Variants in EFNA5 observed in about 807,000 individuals in gnomAD.
The protein encoded by EFNA5 is ephrin A5.
EFNA5 carries 5 observed loss-of-function variants against 22.9 expected under a neutral mutation model. That is an observed-to-expected ratio of 0.22 (90% CI 0.11 to 0.46). The LOEUF (loss-of-function observed/expected upper bound fraction) is 0.46, where lower values mean the gene tolerates loss of function less well. Ranked by LOEUF, EFNA5 falls within the 20% of genes least tolerant of loss-of-function variation. The pLI is 0.99. For synonymous variants in EFNA5, 113 were observed against 112.2 expected, an observed-to-expected ratio of 1.01 and a Z score of -0.04; for missense variants, 237 against 293.3, an observed-to-expected ratio of 0.81 and a Z score of 1.40.
At chr5:107,634,261 A>C (rs1750324404) in intron 1 of EFNA5, among the ~76,000 whole-genome samples, 1 of 152,054 alleles carries the variant, frequency 6.6e-6, no homozygotes, top group South Asian at 2.1e-4. Context: ...CACTCGTGTA[A>C]TCCAAGCACT....
At chr5:107,564,122 G>T (rs1272177002) in intron 1 of EFNA5, among the ~76,000 whole-genome samples, 2 of 152,142 alleles carry the variant, frequency 1.3e-5, no homozygotes, top group Admixed American at 1.3e-4. Flanking sequence ...TAGGGAGGCT[G>T]TGGGGTTGGG....
intron 1 of EFNA5, among the ~76,000 whole-genome samples, chr5:107,552,116 G>A (rs563822730): frequency 6.6e-6 from 1 of 152,014 alleles, no homozygotes; most frequent in East Asian, 1.9e-4. Flanking sequence ...GCAGAGTTAT[G>A]CAAACCTGGC....
At chr5:107,667,149 T>C (rs1376116984) in intron 1 of EFNA5, among the ~76,000 whole-genome samples, 1 of 152,098 alleles carries the variant, frequency 6.6e-6, no homozygotes. Context: ...ATTTTGGAAA[T>C]ATAGAAGATC....
chr5:107,658,881 C>T (rs1008755527), intron 1 of EFNA5, among the ~76,000 whole-genome samples: 2 of 152,164 alleles, frequency 1.3e-5, no homozygotes, highest in Admixed American at 1.3e-4. Flanking sequence ...CCGAATGCTT[C>T]ATGATGACAG....
intron 1 of EFNA5, among the ~76,000 whole-genome samples, chr5:107,541,059 A>T (rs1285844227): frequency 6.6e-6 from 1 of 152,106 alleles, no homozygotes; most frequent in South Asian, 2.1e-4. Context: ...GTGAGCCAAG[A>T]TTGTGCCACT....
intron 1 of EFNA5, among the ~76,000 whole-genome samples, chr5:107,446,015 C>G (rs1416644818): frequency 6.6e-6 from 1 of 152,194 alleles, no homozygotes; most frequent in Non-Finnish European, 1.5e-5. Context: ...AAGGAATACA[C>G]AGTTGTCTGC....
At chr5:107,461,538 G>T (rs75027844) in intron 1 of EFNA5, among the ~76,000 whole-genome samples, 1 of 152,024 alleles carries the variant, frequency 6.6e-6, no homozygotes, top group Admixed American at 6.6e-5. Context: ...AAGAGAGGAC[G>T]GGGGAGAAAG....
At chr5:107,437,943 C>T (rs1327887643) in intron 1 of EFNA5, among the ~76,000 whole-genome samples, 1 of 152,146 alleles carries the variant, frequency 6.6e-6, no homozygotes, top group African/African-American at 2.4e-5. Context: ...AACTTAAGCA[C>T]CTAAGGCAGA....
At chr5:107,551,878 G>A (rs1169548316) in intron 1 of EFNA5, among the ~76,000 whole-genome samples, 1 of 151,638 alleles carries the variant, frequency 6.6e-6, no homozygotes, top group Non-Finnish European at 1.5e-5. Flanking sequence ...AGTCTAAGAA[G>A]GAACTATAAG....
intron 1 of EFNA5, among the ~76,000 whole-genome samples, chr5:107,622,893 C>T (rs1338655142): frequency 2.0e-5 from 3 of 150,988 alleles, no homozygotes; most frequent in African/African-American, 2.4e-5. Flanking sequence ...CGGTGGCGGG[C>T]GCCTGTAGTC....
chr5:107,637,528 G>GTC (rs1469703778), intron 1 of EFNA5, among the ~76,000 whole-genome samples: 1 of 151,712 alleles, frequency 6.6e-6, no homozygotes, highest in African/African-American at 2.4e-5. Context: ...CTGTGTGTGT[G>GTC]TGTGTGTGTG....
chr5:107,526,309 C>T (rs62355609), intron 1 of EFNA5, among the ~76,000 whole-genome samples: 1 of 152,174 alleles, frequency 6.6e-6, no homozygotes, highest in African/African-American at 2.4e-5. Flanking sequence ...GGAAGAGAAG[C>T]CTGATCCCAG....
At chr5:107,451,289 GA>G (rs1431576672) in intron 1 of EFNA5, among the ~76,000 whole-genome samples, 3 of 152,130 alleles carry the variant, frequency 2.0e-5, no homozygotes, top group African/African-American at 7.2e-5. Context: ...ATTGCCCATA[GA>G]GCAACTGGAT....
chr5:107,644,517 A>AT (rs1370032963), intron 1 of EFNA5, among the ~76,000 whole-genome samples: 1 of 152,156 alleles, frequency 6.6e-6, no homozygotes, highest in African/African-American at 2.4e-5. Context: ...AAACTTGTAT[A>AT]TTTTTTGCTG....
intron 4 of EFNA5, among the ~76,000 whole-genome samples, chr5:107,382,154 T>C (rs1747484567): frequency 6.6e-6 from 1 of 152,214 alleles, no homozygotes; most frequent in South Asian, 2.1e-4. Flanking sequence ...GCTTCTTTTA[T>C]TTAGCTATAA....
At position 107,486,922 on chromosome 5, in the gene EFNA5, C is replaced by G. The variant is rs182002713; in HGVS notation, c.126-59413G>C. On this transcript the variant is annotated intron_variant, in intron 1 of 4. Transcript: ENST00000333274. ...AGTGTATTTATACTTTAGTTTCCTT[C>G]CCCCTTTGGCTGACCTGTCTGCCTC... is the stretch of plus-strand genomic sequence containing the variant. Among the ~76,000 whole-genome samples, 11 of 152,262 alleles carry G rather than the reference C, an allele frequency of 7.2e-5. No homozygotes were observed. The East Asian group carries it at 1.9e-3, about 27-fold the overall frequency.
chr5:107,395,411 C>T (rs1468688580), intron 2 of EFNA5, among the ~76,000 whole-genome samples: 1 of 152,126 alleles, frequency 6.6e-6, no homozygotes, highest in Non-Finnish European at 1.5e-5. Flanking sequence ...TAAACTTCAC[C>T]TCTGTCAGTC....
chr5:107,492,694 C>T (rs992009046), intron 1 of EFNA5, among the ~76,000 whole-genome samples: 1 of 152,072 alleles, frequency 6.6e-6, no homozygotes, highest in African/African-American at 2.4e-5. Flanking sequence ...CTCTCAATTT[C>T]ACTCTGAAAG....
At chr5:107,402,170 T>C (rs1748103434) in intron 2 of EFNA5, among the ~76,000 whole-genome samples, 1 of 152,092 alleles carries the variant, frequency 6.6e-6, no homozygotes, top group African/African-American at 2.4e-5. Context: ...GGAGGAAGAC[T>C]GTATTCAATT....
Sources: allele counts gnomAD v4.1 joint callset (sites outside exome capture counted in the v4.1 genomes callset), GRCh38; gene constraint gnomAD v4.1.1; transcripts MANE v1.5; gene names NCBI Gene and HGNC (gene_info 2026-07-23, HGNC 2026-07-21).